SCHIP1: variants seen among roughly 807,000 people sequenced by gnomAD.
SCHIP1 encodes the protein schwannomin interacting protein 1.
SCHIP1 carries 8 observed loss-of-function variants against 29.7 expected under a neutral mutation model. The observed-to-expected ratio is 0.27, with a 90% CI of 0.16 to 0.49. SCHIP1 has a LOEUF of 0.49. SCHIP1 is among the 20% of genes least tolerant of loss of function. SCHIP1 has a pLI of 0.99. For synonymous variants in SCHIP1, 76 were observed against 94.9 expected, an observed-to-expected ratio of 0.80 and a Z score of 1.16; for missense variants, 193 against 294.6, an observed-to-expected ratio of 0.66 and a Z score of 2.52.
the SCHIP1 span, among the ~76,000 whole-genome samples, chr3:159,674,345 G>A: frequency 6.6e-6 from 1 of 152,162 alleles, no homozygotes; most frequent in Non-Finnish European, 1.5e-5. Context: ...TGGTTGAAGA[G>A]GGCCTGGAGA....
chr3:159,648,030 A>G, the SCHIP1 span, among the ~76,000 whole-genome samples: 1 of 152,066 alleles, frequency 6.6e-6, no homozygotes, highest in African/African-American at 2.4e-5. Context: ...GAATCTGCCC[A>G]TGGCCCAGGT....
At chr3:159,626,054 A>G in the SCHIP1 span, among the ~76,000 whole-genome samples, 1 of 150,468 alleles carries the variant, frequency 6.6e-6, no homozygotes. Context: ...TCTAAAACTA[A>G]GACTGAAGGC....
chr3:159,838,135 CTG>C (rs1156495967), upstream of SCHIP1, among the ~76,000 whole-genome samples: 1 of 152,176 alleles, frequency 6.6e-6, no homozygotes, highest in Admixed American at 6.5e-5. Context: ...ACTAGGAAGG[CTG>C]AAATGAGTGT....
At chr3:159,284,193 T>C in the SCHIP1 span, among the ~76,000 whole-genome samples, 5 of 152,164 alleles carry the variant, frequency 3.3e-5, no homozygotes, top group African/African-American at 1.2e-4. Context: ...TTATAAATAC[T>C]TTAAAATAAC....
At chr3:159,864,411 A>T (rs1714383482) in intron 1 of SCHIP1, among the ~76,000 whole-genome samples, 1 of 151,690 alleles carries the variant, frequency 6.6e-6, no homozygotes, top group South Asian at 2.1e-4. Context: ...GCAGTCTTTC[A>T]CATCTGTAAA....
At chr3:159,677,684 G>A in the SCHIP1 span, among the ~76,000 whole-genome samples, 1 of 152,190 alleles carries the variant, frequency 6.6e-6, no homozygotes, top group African/African-American at 2.4e-5. Flanking sequence ...TTAGGGAAAT[G>A]AAAGTGGCCA....
At chr3:159,335,399 A>G in the SCHIP1 span, among the ~76,000 whole-genome samples, 85 of 152,190 alleles carry the variant, frequency 5.6e-4, no homozygotes, top group African/African-American at 2.0e-3. Context: ...TGCACAGGTT[A>G]GTTACATATG....
chr3:159,801,402 C>A, the SCHIP1 span, among the ~76,000 whole-genome samples: 4 of 152,124 alleles, frequency 2.6e-5, no homozygotes, highest in East Asian at 1.9e-4. Flanking sequence ...CATACTTACA[C>A]CCAGTATATA....
chr3:159,785,970 T>C, the SCHIP1 span, among the ~76,000 whole-genome samples: 2 of 152,238 alleles, frequency 1.3e-5, no homozygotes, highest in Non-Finnish European at 2.9e-5. Context: ...TTTTGTTGTA[T>C]GTGTATTTTC....
upstream of SCHIP1, among the ~76,000 whole-genome samples, chr3:159,838,916 A>T (rs1408087850): frequency 6.6e-6 from 1 of 151,164 alleles, no homozygotes; most frequent in African/African-American, 2.4e-5. Flanking sequence ...AAAAAAAAAA[A>T]GCTAAAAAAG....
the SCHIP1 span, among the ~76,000 whole-genome samples, chr3:159,295,697 T>G: frequency 1.3e-5 from 2 of 152,204 alleles, no homozygotes; most frequent in Non-Finnish European, 2.9e-5. Flanking sequence ...CTTCTGGCAT[T>G]TACTGTATAG....
At chr3:159,324,022 G>C in the SCHIP1 span, among the ~76,000 whole-genome samples, 1 of 151,992 alleles carries the variant, frequency 6.6e-6, no homozygotes, top group Admixed American at 6.6e-5. Context: ...TTACCTTCCC[G>C]GATTGTTACT....
chr3:159,409,095 T>C, the SCHIP1 span, among the ~76,000 whole-genome samples: 1 of 152,124 alleles, frequency 6.6e-6, no homozygotes. Context: ...CATCCCTTCA[T>C]GACAAAAACC....
At chr3:159,758,444 C>T in the SCHIP1 span, among the ~76,000 whole-genome samples, 1 of 152,214 alleles carries the variant, frequency 6.6e-6, no homozygotes, top group Non-Finnish European at 1.5e-5. Context: ...AGCCACCACA[C>T]GTGGCCCAGA....
the SCHIP1 span, among the ~76,000 whole-genome samples, chr3:159,304,724 T>C: frequency 1.3e-5 from 2 of 152,218 alleles, no homozygotes; most frequent in African/African-American, 4.8e-5. Context: ...GTTTTCTTCT[T>C]TGTAATGCCT....
At chr3:159,763,672 A>T in the SCHIP1 span, 1 of 152,120 alleles carries the variant, frequency 6.6e-6, no homozygotes, top group East Asian at 1.9e-4. Flanking sequence ...CACCGCCAGG[A>T]GGGCGCGTCC....
At chr3:159,853,221 G>T in intron 1 of SCHIP1, 1 of 484,004 alleles carries the variant, frequency 2.1e-6, no homozygotes, top group South Asian at 3.5e-5. Flanking sequence ...CAGTGTCTGT[G>T]GGACAGAGTG....
the SCHIP1 span, among the ~76,000 whole-genome samples, chr3:159,295,267 A>AC: frequency 6.9e-6 from 1 of 145,864 alleles, no homozygotes; most frequent in Non-Finnish European, 1.5e-5. Flanking sequence ...AAAAAAAAAA[A>AC]AAAAAAAAAC....
chr3:159,368,713 G>C, the SCHIP1 span, among the ~76,000 whole-genome samples: 2 of 145,796 alleles, frequency 1.4e-5, no homozygotes, highest in African/African-American at 2.6e-5. Context: ...CCCTACGTTA[G>C]TGGGCATGGT....
Sources: allele counts gnomAD v4.1 joint callset (sites outside exome capture counted in the v4.1 genomes callset), GRCh38; gene constraint gnomAD v4.1.1; transcripts MANE v1.5; gene names NCBI Gene and HGNC (gene_info 2026-07-23, HGNC 2026-07-21).